GUCY2F: variants seen among roughly 807,000 people sequenced by gnomAD.
The protein encoded by GUCY2F is retinal guanylyl cyclase 2.
A neutral mutation model predicts 73.1 loss-of-function variants in GUCY2F; 61 were observed. The ratio of observed to expected loss-of-function variants is 0.83; its 90% CI spans 0.68 to 1.03. The LOEUF (loss-of-function observed/expected upper bound fraction) is 1.03, where lower values mean the gene tolerates loss of function less well. GUCY2F is among the 50% of genes least tolerant of loss of function. The pLI is 0.00. For synonymous variants in GUCY2F, 331 were observed against 307.8 expected (o/e 1.08, Z -0.79); for missense variants, 912 against 854.3 (o/e 1.07, Z -0.84).
chrX:109,406,374 A>G (rs745750547), intron 9 of GUCY2F, among the ~76,000 whole-genome samples: 4 of 111,849 alleles, frequency 3.6e-5, no homozygotes, highest in Non-Finnish European at 1.9e-5. Context: ...AGGTAGGGCT[A>G]AGTAGCACCA....
rs1375223751 is a variant in GUCY2F, at chrX:109,409,179, G to A, written c.1792-11C>T. 1 of 1,023,849 alleles carries A rather than the reference G, an allele frequency of 9.8e-7. No individual in the cohort carries two copies. Among genetic ancestry groups the A allele is most frequent in the East Asian group, 3.0e-5 (1 of 32,977 alleles). 84.4% of individuals were successfully genotyped at this position (1,023,849 alleles called of 1,213,427 possible). A position where few individuals can be genotyped will look rare whatever the true frequency, so the allele number is the denominator to read the frequency against. ...ACGCAAGTCCTTCATCTGGAAATGA[G>A]AGACAGAAATGAGAGTCACAGCTGT... On this transcript the variant is annotated splice_polypyrimidine_tract_variant and intron_variant, in intron 8 of 19. Transcript: ENST00000218006.
chrX:109,453,916 G>C (rs1220634503), intron 3 of GUCY2F, 57 bp from the exon 4 acceptor site: 3 of 640,456 alleles, frequency 4.7e-6, no homozygotes, highest in Non-Finnish European at 7.1e-6. Flanking sequence ...CGATCTCAGA[G>C]TATATTCCAA....
chrX:109,448,235 C>G, intron 5 of GUCY2F, 70 bp from the exon 6 acceptor site: 1 of 551,544 alleles, frequency 1.8e-6, no homozygotes, highest in Middle Eastern at 3.2e-4. Context: ...TTAATTTGCC[C>G]TAAGATAGCA....
chrX:109,390,494 A>T (rs1025483163), intron 14 of GUCY2F, among the ~76,000 whole-genome samples: 4 of 111,905 alleles, frequency 3.6e-5, no homozygotes, highest in Admixed American at 9.4e-5. Context: ...GGGCTGAAAA[A>T]AATAAATTTC....
Position 109,404,402 on chromosome X carries a change from A to G in GUCY2F, c.2051T>C (p.Leu684Pro), listed in dbSNP as rs1173199403. Reference sequence around the variant, plus strand: ...GTTAAAGCCATAATCTGTCACTTTTAGTACAAAACGCCCATCTACCACACA... The same window carrying G: ...GTTAAAGCCATAATCTGTCACTTTTGGTACAAAACGCCCATCTACCACACA... ...RNCVVDGRFV[L>P]KVTDYGFNDI... Residue 684 changes from leucine to proline, a missense_variant, in exon 10 of 20, where the codon CTA becomes CCA. By Grantham distance (98) the Leu-to-Pro change is moderately conservative. Coordinates refer to ENST00000218006, the MANE Select transcript of GUCY2F (RefSeq NM_001522.3). 1 of 1,183,537 alleles carries G rather than the reference A, an allele frequency of 8.4e-7. No homozygotes were observed. Among genetic ancestry groups the G allele is most frequent in the Admixed American group, 2.2e-5 (1 of 46,001 alleles).
chrX:109,399,509 T>C (rs1281525635), intron 10 of GUCY2F, among the ~76,000 whole-genome samples: 1 of 112,437 alleles, frequency 8.9e-6, no homozygotes, highest in Non-Finnish European at 1.9e-5. Context: ...AGTGAGAATG[T>C]CAGAAATTTT....
chrX:109,477,558 C>T (rs1240903288), intron 1 of GUCY2F, among the ~76,000 whole-genome samples: 1 of 112,081 alleles, frequency 8.9e-6, no homozygotes, highest in Non-Finnish European at 1.9e-5. Context: ...TTAAAACATG[C>T]CTTTTGTGGA....
In GUCY2F at chrX:109,456,381, C is replaced by T. The variant is rs191126847; in HGVS notation, c.1033-2522G>A. ...ACACACACACACAGGGCAGCAAGCT[C>T]CTGAAAGCAAACAGAATGCTAGTGT... On this transcript the variant is annotated intron_variant, in intron 3 of 19. Coordinates refer to ENST00000218006, the MANE Select transcript of GUCY2F (RefSeq NM_001522.3). Among the ~76,000 whole-genome samples the T allele has an allele frequency of 2.6e-3, 294 of 111,823 alleles. 1 individual carries two copies. The highest frequency in any genetic ancestry group is 9.0e-3 in the African/African-American group (278 of 30,824).
chrX:109,431,617 T>A (rs1336531544), intron 7 of GUCY2F, among the ~76,000 whole-genome samples: 2 of 105,154 alleles, frequency 1.9e-5, no homozygotes, highest in African/African-American at 7.0e-5. Context: ...GAGAATGGCG[T>A]GAACCTGGGA....
intron 2 of GUCY2F, among the ~76,000 whole-genome samples, chrX:109,472,131 A>G (rs1305898402): frequency 1.8e-5 from 2 of 110,950 alleles, no homozygotes; most frequent in Non-Finnish European, 3.8e-5. Context: ...CCTAATTGGA[A>G]ATATTAACTT....
intron 5 of GUCY2F, among the ~76,000 whole-genome samples, chrX:109,448,561 G>T (rs921516743): frequency 2.7e-5 from 3 of 111,784 alleles, no homozygotes; most frequent in African/African-American, 9.8e-5. Context: ...AATAATACCA[G>T]GGCCAAGAAT....
chrX:109,376,125 CT>C lies in GUCY2F; in HGVS notation c.3192del (p.Gly1065AlafsTer3). On this transcript the variant is annotated frameshift_variant, in exon 18 of 20. Coordinates refer to ENST00000218006, the MANE Select transcript of GUCY2F (RefSeq NM_001522.3). LOFTEE classifies it high-confidence loss of function. ...TEETFWLIGK[K>X]GFMKPLPVPP... ...GGCACAGGAAGGGGCTTCATGAAGCCTTTTTTCCCAATCAGCCAGAAGGTTT... is the reference window on the plus strand; with the variant it reads ...GGCACAGGAAGGGGCTTCATGAAGCCTTTTTCCCAATCAGCCAGAAGGTTT... 8.3e-7 allele frequency: 1 copy of C among 1,205,867 alleles called. No individual in the cohort carries two copies. Among genetic ancestry groups the C allele is most frequent in the Non-Finnish European group, 1.1e-6 (1 of 890,112 alleles).
chrX:109,420,625 C>CA (rs1239507011), intron 8 of GUCY2F, among the ~76,000 whole-genome samples: 1 of 111,391 alleles, frequency 9.0e-6, no homozygotes, highest in Non-Finnish European at 1.9e-5. Context: ...AACAAAAATA[C>CA]AAAAAAGTCC....
Position 109,475,869 on chromosome X carries a change from C to T in GUCY2F, c.68G>A (p.Gly23Glu). Residue 23 changes from glycine (G) to glutamate (E), a missense_variant, in exon 2 of 20, where the codon GGA (glycine) becomes GAA (glutamate). Gly to Glu is a moderately conservative substitution (Grantham distance 98). Transcript: ENST00000218006. The stretch of plus-strand genomic sequence containing the variant: ...CTTGGCAGATGCAAGGCCATGGTGT[C>T]CCAGCAGTTTCCTGAAAGCCGCAAA... ...LWFAAFRKLLGHHGLASAKFL... is the reference protein window; with the variant it reads ...LWFAAFRKLLEHHGLASAKFL... 8.3e-7 allele frequency: 1 copy of T among 1,210,297 alleles called. No homozygotes were observed. The highest frequency in any genetic ancestry group is 1.1e-6 in the Non-Finnish European group (1 of 894,830).
At chrX:109,423,190 G>A (rs1195515945) in intron 8 of GUCY2F, among the ~76,000 whole-genome samples, 1 of 111,857 alleles carries the variant, frequency 8.9e-6, no homozygotes, top group Non-Finnish European at 1.9e-5. Context: ...TAAATAACTT[G>A]GACTTTGCAG....
chrX:109,455,130 G>A (rs1167786798), intron 3 of GUCY2F, among the ~76,000 whole-genome samples: 4 of 111,130 alleles, frequency 3.6e-5, no homozygotes, highest in African/African-American at 6.5e-5. Context: ...ATGCCAAACC[G>A]AACCCAGACC....
At chrX:109,462,340 C>A (rs532191468) in intron 3 of GUCY2F, among the ~76,000 whole-genome samples, 6 of 112,810 alleles carry the variant, frequency 5.3e-5, no homozygotes, top group African/African-American at 1.9e-4. Flanking sequence ...TCTAAAGTAC[C>A]TTTGAGCAAG....
chrX:109,462,841 T>A (rs947426606), intron 3 of GUCY2F, among the ~76,000 whole-genome samples: 2 of 112,012 alleles, frequency 1.8e-5, no homozygotes, highest in African/African-American at 6.5e-5. Context: ...AGTTACCATC[T>A]TGTTGCTTGC....
chrX:109,395,676 T>C (rs1930690031), intron 11 of GUCY2F, among the ~76,000 whole-genome samples, 187 bp from the exon 12 acceptor site: 2 of 112,047 alleles, frequency 1.8e-5, no homozygotes, highest in Admixed American at 1.9e-4. Flanking sequence ...CATTAGGCAA[T>C]GGGGGAGGAG....
Sources: allele counts gnomAD v4.1 joint callset (sites outside exome capture counted in the v4.1 genomes callset), GRCh38; gene constraint gnomAD v4.1.1; transcripts MANE v1.5; gene names NCBI Gene and HGNC (gene_info 2026-07-23, HGNC 2026-07-21).